The following EHBP1 variants were observed in gnomAD, a reference collection of about 807,000 sequenced individuals.
EHBP1 encodes EH domain-binding protein 1.
Under a neutral mutation model 144.0 loss-of-function variants are expected in EHBP1, and 55 were observed. The ratio of observed to expected loss-of-function variants is 0.38; its 90% confidence interval spans 0.31 to 0.48. The LOEUF is 0.48. EHBP1 is among the 20% of genes least tolerant of loss of function. EHBP1 has a pLI of 0.98. For synonymous variants in EHBP1, 469 were observed against 472.7 expected (o/e 0.99, Z 0.10); for missense variants, 1,200 against 1,364.2 (o/e 0.88, Z 1.90).
intron 19 of EHBP1, among the ~76,000 whole-genome samples, chr2:63,034,988 TG>T (rs2061396073): frequency 6.6e-6 from 1 of 152,012 alleles, no homozygotes; most frequent in Non-Finnish European, 1.5e-5. Flanking sequence ...AAATAACAAA[TG>T]GTTAGAGGAG....
chr2:62,828,011 T>C (rs578067418), intron 6 of EHBP1, among the ~76,000 whole-genome samples: 1 of 152,326 alleles, frequency 6.6e-6, no homozygotes, highest in African/African-American at 2.4e-5. Context: ...AATTGTCTCC[T>C]GTTGATAAGA....
intron 21 of EHBP1, among the ~76,000 whole-genome samples, chr2:63,039,973 A>C (rs1390519026): frequency 6.6e-6 from 1 of 152,038 alleles, no homozygotes; most frequent in Non-Finnish European, 1.5e-5. Context: ...AATGACTATA[A>C]AATTTGTCAA....
At chr2:62,842,820 A>G (rs2048011582) in intron 7 of EHBP1, among the ~76,000 whole-genome samples, 1 of 152,208 alleles carries the variant, frequency 6.6e-6, no homozygotes, top group African/African-American at 2.4e-5. Context: ...ACACATTTGC[A>G]GTTGTTTTGA....
rs2034499222 is a variant in EHBP1 at position 62,705,850 on chromosome 2, AGGGGGTG to A, written c.-495_-489del. On this transcript the variant is annotated 5_prime_UTR_variant, in exon 1 of 23. Transcript: ENST00000431489. The stretch of plus-strand genomic sequence containing the variant: ...ACGGTCGCGGGGCGATCTGTCAGGG[AGGGGGTG>A]GGCGTGAGGGGCGCCGTCCGCCTGA... The A allele has an allele frequency of 5.3e-4, 2 of 3,804 alleles. No individual in the cohort carries two copies. The highest frequency in any genetic ancestry group is 2.8e-3 in the Admixed American group (1 of 352). The allele number at this position is 3,804 out of a possible 1,614,324, so 0.2% of individuals were successfully genotyped here.
At chr2:62,935,365 A>ATATC (rs1469115622) in intron 10 of EHBP1, among the ~76,000 whole-genome samples, 17 of 146,094 alleles carry the variant, frequency 1.2e-4, no homozygotes, top group Admixed American at 8.2e-4. Flanking sequence ...ATATATATAT[A>ATATC]TCCATCTCTT....
At chr2:62,707,416 T>A (rs2034699686) in intron 2 of EHBP1, 121 bp downstream of exon 2, 1 of 690,656 alleles carries the variant, frequency 1.4e-6, no homozygotes. Context: ...AGAAGCTGGG[T>A]GGGGCGCAGA....
chr2:62,730,479 GCTT>G (rs1247471237), intron 2 of EHBP1, among the ~76,000 whole-genome samples: 2 of 152,106 alleles, frequency 1.3e-5, no homozygotes, highest in African/African-American at 4.8e-5. Flanking sequence ...TGGCTTGATA[GCTT>G]ATTTCTTTTC....
At chr2:62,850,396 CAA>C (rs897638078) in intron 7 of EHBP1, among the ~76,000 whole-genome samples, 69 of 151,904 alleles carry the variant, frequency 4.5e-4, no homozygotes, top group African/African-American at 1.5e-3. Context: ...CTTTTTTGTT[CAA>C]TGTGATAATC....
At chr2:62,942,938 TAGAC>T (rs2056846771) in intron 11 of EHBP1, 42 bp downstream of exon 11, 2 of 1,370,382 alleles carry the variant, frequency 1.5e-6, no homozygotes, top group Non-Finnish European at 2.0e-6. Context: ...TTGTAAGTGA[TAGAC>T]ATTTTTGAAA....
chr2:63,019,848 G>GAAGGAAGGAAGT (rs2060641728), intron 19 of EHBP1, among the ~76,000 whole-genome samples: 1 of 112,154 alleles, frequency 8.9e-6, no homozygotes, highest in Non-Finnish European at 2.1e-5. Flanking sequence ...AGGAAGGAAG[G>GAAGGAAGGAAGT]AAGGAAGGAA....
chr2:62,998,957 A>G (rs2059746431), intron 19 of EHBP1, among the ~76,000 whole-genome samples: 1 of 152,148 alleles, frequency 6.6e-6, no homozygotes, highest in Non-Finnish European at 1.5e-5. Flanking sequence ...TTAGAAAGTG[A>G]AAGGGTACAT....
intron 1 of EHBP1, among the ~76,000 whole-genome samples, chr2:62,691,142 G>A (rs1018551818): frequency 6.6e-6 from 1 of 152,172 alleles, no homozygotes; most frequent in African/African-American, 2.4e-5. Flanking sequence ...GACTGTGTTA[G>A]TTAGAATTAA....
At chr2:62,951,436 A>C (rs781651704) in intron 13 of EHBP1, among the ~76,000 whole-genome samples, 1 of 151,450 alleles carries the variant, frequency 6.6e-6, no homozygotes, top group Non-Finnish European at 1.5e-5. Flanking sequence ...ATGTCCACAC[A>C]TAGTAGATAA....
At chr2:62,784,439 C>G (rs928468780) in intron 5 of EHBP1, among the ~76,000 whole-genome samples, 1 of 152,106 alleles carries the variant, frequency 6.6e-6, no homozygotes, top group African/African-American at 2.4e-5. Context: ...GTTTCACCTG[C>G]ATGTAGTTCT....
intron 2 of EHBP1, among the ~76,000 whole-genome samples, chr2:62,715,234 C>G (rs528668658): frequency 2.6e-5 from 4 of 152,234 alleles, no homozygotes; most frequent in African/African-American, 9.6e-5. Flanking sequence ...TCTGCCTCGG[C>G]CTCCCGAGTA....
intron 7 of EHBP1, among the ~76,000 whole-genome samples, chr2:62,846,227 C>A (rs2048289277): frequency 6.6e-6 from 1 of 152,126 alleles, no homozygotes; most frequent in Admixed American, 6.6e-5. Context: ...ATGCTGAGAA[C>A]CCATCTGACA....
At chr2:62,782,149 C>G (rs931101426) in intron 5 of EHBP1, among the ~76,000 whole-genome samples, 3 of 152,138 alleles carry the variant, frequency 2.0e-5, no homozygotes, top group Non-Finnish European at 4.4e-5. Flanking sequence ...AGATTTAGAG[C>G]CTAGTGCTAT....
intron 2 of EHBP1, among the ~76,000 whole-genome samples, chr2:62,712,239 A>G (rs2035219005): frequency 1.3e-5 from 2 of 152,314 alleles, no homozygotes; most frequent in Middle Eastern, 3.4e-3. Context: ...AGCAGGGTAC[A>G]TGGGTAGAGA....
At chr2:62,956,922 T>C (rs2057732518) in intron 14 of EHBP1, among the ~76,000 whole-genome samples, 1 of 152,162 alleles carries the variant, frequency 6.6e-6, no homozygotes. Flanking sequence ...AGTGTGGGCT[T>C]CCTCATAGCA....
Sources: gnomAD v4.1 joint callset for allele counts (sites outside exome capture counted in the v4.1 genomes callset) on GRCh38, gnomAD v4.1.1 for gene constraint, MANE v1.5 for transcripts, NCBI Gene and HGNC (gene_info 2026-07-23, HGNC 2026-07-21) for gene names.